Variants in SNAP91 observed in about 807,000 individuals in gnomAD.
SNAP91 encodes the protein synaptosome associated protein 91.
SNAP91 carries 27 observed loss-of-function variants against 100.3 expected under a neutral mutation model. That is an observed-to-expected ratio of 0.27 (90% CI 0.20 to 0.37). The LOEUF is 0.37. SNAP91 is among the 10% of genes least tolerant of loss of function. The pLI, the probability that SNAP91 is intolerant of heterozygous loss-of-function variation, is 1.00. For missense variants in SNAP91, 986 were observed against 1,123.7 expected (o/e 0.88, Z 1.75); for synonymous variants, 404 against 398.6 (o/e 1.01, Z -0.16).
intron 6 of SNAP91, among the ~76,000 whole-genome samples, chr6:83,657,878 C>T (rs1349956432): frequency 4.0e-5 from 6 of 151,556 alleles, no homozygotes; most frequent in African/African-American, 1.5e-4. Context: ...GCGATCCTCC[C>T]ACCTCAGCCT....
intron 4 of SNAP91, among the ~76,000 whole-genome samples, chr6:83,662,052 A>G (rs1402485377): frequency 6.6e-6 from 1 of 152,128 alleles, no homozygotes; most frequent in Non-Finnish European, 1.5e-5. Flanking sequence ...TTTTTAATTG[A>G]GAAGACATCT....
At chr6:83,661,808 A>G (rs1284443621) in intron 4 of SNAP91, among the ~76,000 whole-genome samples, 2 of 152,160 alleles carry the variant, frequency 1.3e-5, no homozygotes, top group Non-Finnish European at 2.9e-5. Context: ...TCAATTACTT[A>G]TTCCACCATT....
intron 7 of SNAP91, among the ~76,000 whole-genome samples, chr6:83,654,122 T>A (rs2098316843): frequency 6.6e-6 from 1 of 152,168 alleles, no homozygotes; most frequent in Non-Finnish European, 1.5e-5. Context: ...ATGACTGGGT[T>A]CCCTTGGAGT....
At chr6:83,560,775 T>A in intron 27 of SNAP91, 89 bp downstream of exon 27, 1 of 1,158,506 alleles carries the variant, frequency 8.6e-7, no homozygotes, top group East Asian at 2.5e-5. Context: ...TTGGGAAAAA[T>A]TATATTCTGT....
intron 2 of SNAP91, among the ~76,000 whole-genome samples, chr6:83,707,303 A>G (rs929786130): frequency 2.0e-5 from 3 of 152,088 alleles, no homozygotes; most frequent in Non-Finnish European, 4.4e-5. Flanking sequence ...AACAATCCTC[A>G]GGAGCAACAC....
At chr6:83,671,208 A>G (rs946182924) in intron 2 of SNAP91, among the ~76,000 whole-genome samples, 3 of 152,064 alleles carry the variant, frequency 2.0e-5, no homozygotes, top group Non-Finnish European at 4.4e-5. Flanking sequence ...TTTTCAGTAC[A>G]TCAGTCTTAC....
chr6:83,603,023 T>C (rs1345771364), intron 14 of SNAP91, among the ~76,000 whole-genome samples: 2 of 152,162 alleles, frequency 1.3e-5, no homozygotes, highest in East Asian at 3.9e-4. Flanking sequence ...AAAGTTTACA[T>C]GGTTTTCACA....
At chr6:83,699,043 G>T (rs986610864) in intron 2 of SNAP91, among the ~76,000 whole-genome samples, 1 of 152,144 alleles carries the variant, frequency 6.6e-6, no homozygotes, top group Non-Finnish European at 1.5e-5. Flanking sequence ...GAAGCTCCAA[G>T]GGCATAATTC....
intron 22 of SNAP91, among the ~76,000 whole-genome samples, chr6:83,584,694 C>G (rs2092034160): frequency 6.6e-6 from 1 of 152,176 alleles, no homozygotes; most frequent in Non-Finnish European, 1.5e-5. Context: ...CAATCTAAAA[C>G]ACACATTAGC....
At chr6:83,573,627 G>C (rs1812616106) in intron 26 of SNAP91, among the ~76,000 whole-genome samples, 1 of 152,110 alleles carries the variant, frequency 6.6e-6, no homozygotes, top group Non-Finnish European at 1.5e-5. Flanking sequence ...GAACAGAACA[G>C]AGCCCTCAGA....
intron 8 of SNAP91, among the ~76,000 whole-genome samples, chr6:83,631,768 C>A (rs964983931): frequency 6.6e-6 from 1 of 151,916 alleles, no homozygotes; most frequent in Non-Finnish European, 1.5e-5. Flanking sequence ...AGGTAGTTGG[C>A]TGGTGAATTC....
intron 2 of SNAP91, among the ~76,000 whole-genome samples, chr6:83,695,503 C>T (rs971281420): frequency 6.6e-6 from 1 of 152,000 alleles, no homozygotes. Flanking sequence ...CTCCTATATA[C>T]ATTGATGCAA....
intron 26 of SNAP91, 104 bp downstream of exon 26, chr6:83,574,906 A>T: frequency 2.9e-6 from 2 of 689,006 alleles, no homozygotes; most frequent in South Asian, 3.7e-5. Flanking sequence ...AATGCAGAGG[A>T]ATAAGTACAC....
intron 2 of SNAP91, among the ~76,000 whole-genome samples, chr6:83,682,357 TTTTG>T (rs1182813397): frequency 2.6e-5 from 4 of 151,354 alleles, no homozygotes; most frequent in African/African-American, 9.7e-5. Flanking sequence ...ATTTTTGTGT[TTTTG>T]TTTGTGTGTT....
intron 2 of SNAP91, among the ~76,000 whole-genome samples, chr6:83,670,933 A>C (rs983843757): frequency 6.6e-6 from 1 of 151,994 alleles, no homozygotes; most frequent in African/African-American, 2.4e-5. Flanking sequence ...AAAATCAGAT[A>C]GTGTTAGCCC....
At chr6:83,624,178 A>G (rs1247430996) in intron 8 of SNAP91, among the ~76,000 whole-genome samples, 2 of 152,124 alleles carry the variant, frequency 1.3e-5, no homozygotes, top group Non-Finnish European at 2.9e-5. Flanking sequence ...AGGGGCAGAG[A>G]AAGAGAGAAG....
At chr6:83,613,658 C>G (rs2096290301) in intron 11 of SNAP91, among the ~76,000 whole-genome samples, 1 of 152,224 alleles carries the variant, frequency 6.6e-6, no homozygotes, top group Non-Finnish European at 1.5e-5. Context: ...ATATGCCCCT[C>G]AGAGCCTATG....
intron 11 of SNAP91, among the ~76,000 whole-genome samples, chr6:83,612,477 G>A (rs1248385558): frequency 1.3e-5 from 2 of 152,120 alleles, no homozygotes; most frequent in Admixed American, 6.5e-5. Flanking sequence ...CTTTGGTATG[G>A]TCACTTTCTA....
intron 2 of SNAP91, chr6:83,678,703 G>T: frequency 1.6e-6 from 2 of 1,238,758 alleles, no homozygotes; most frequent in Non-Finnish European, 2.1e-6. Context: ...TTCCACTCCT[G>T]CTCCTCCCCT....
Sources: gnomAD v4.1 joint callset for allele counts (sites outside exome capture counted in the v4.1 genomes callset) on GRCh38, gnomAD v4.1.1 for gene constraint, MANE v1.5 for transcripts, NCBI Gene and HGNC (gene_info 2026-07-23, HGNC 2026-07-21) for gene names.